MYO16: variants seen among roughly 807,000 people sequenced by gnomAD.
MYO16 encodes the protein myosin XVI.
A neutral mutation model predicts 205.3 loss-of-function variants in MYO16; 94 were observed. The ratio of observed to expected loss-of-function variants is 0.46; its 90% CI spans 0.39 to 0.54. The LOEUF (loss-of-function observed/expected upper bound fraction) is 0.54. Among genes scored for constraint, MYO16 ranks in the 20% least tolerant of loss-of-function variants. MYO16 has a pLI of 0.00. For synonymous variants in MYO16, 988 were observed against 954.0 expected (o/e 1.04, Z -0.66); for missense variants, 2,315 against 2,387.5 (o/e 0.97, Z 0.63).
intron 17 of MYO16, among the ~76,000 whole-genome samples, chr13:108,958,865 A>G (rs1440989172): frequency 6.6e-6 from 1 of 152,210 alleles, no homozygotes; most frequent in Non-Finnish European, 1.5e-5. Flanking sequence ...CAATTCCTCA[A>G]GAATATTTAA....
Position 109,060,462 on chromosome 13 carries a change from C to T in MYO16, c.3335+4867C>T, listed in dbSNP as rs564394225. On this transcript the variant is annotated intron_variant, in intron 27 of 34. Coordinates refer to ENST00000457511, the MANE Select transcript of MYO16 (RefSeq NM_001198950.3). ...AATCACATGGACACAGGGAGGGGAG[C>T]ATCACACACTGGGGCCTGTCGGGGG... 3.1e-3 allele frequency among the ~76,000 whole-genome samples: 457 copies of T among 149,756 alleles called. 3 individuals carry two copies. The highest frequency in any genetic ancestry group is 0.011 in the African/African-American group (445 of 40,676).
At chr13:108,964,508 C>T (rs924942266) in intron 19 of MYO16, among the ~76,000 whole-genome samples, 1 of 152,204 alleles carries the variant, frequency 6.6e-6, no homozygotes, top group Admixed American at 6.5e-5. Flanking sequence ...GGTGAAATTA[C>T]ACAACCTACA....
At chr13:108,774,135 G>A (rs1053200094) in intron 4 of MYO16, among the ~76,000 whole-genome samples, 1 of 152,024 alleles carries the variant, frequency 6.6e-6, no homozygotes, top group Admixed American at 6.6e-5. Context: ...AATAAAATGT[G>A]AGTATTAATG....
chr13:108,715,270 G>T (rs1015736066), intron 3 of MYO16, among the ~76,000 whole-genome samples: 1 of 152,154 alleles, frequency 6.6e-6, no homozygotes, highest in Non-Finnish European at 1.5e-5. Flanking sequence ...CGGCTCGCTT[G>T]CTGACTTGCT....
In MYO16 at chr13:108,697,906, A is replaced by G. The variant is rs369627993; in HGVS notation, c.293-14755A>G. On this transcript the variant is annotated intron_variant, in intron 2 of 34. Coordinates refer to ENST00000457511, the MANE Select transcript of MYO16 (RefSeq NM_001198950.3). The stretch of plus-strand genomic sequence containing the variant: ...CCTGGCTAATTTTTGTATTTTTAGT[A>G]CAAACAGGGTTTTGCTATGTTGCCA... Among the ~76,000 whole-genome samples the G allele has an allele frequency of 2.1e-3, 318 of 152,126 alleles. 9 individuals are homozygous for G. The South Asian group carries it at 0.063, about 30-fold the overall frequency.
chr13:109,086,203 G>A (rs1366264339), intron 27 of MYO16, among the ~76,000 whole-genome samples: 1 of 152,134 alleles, frequency 6.6e-6, no homozygotes, highest in Non-Finnish European at 1.5e-5. Context: ...GCAATCGAAG[G>A]TCACACTTCT....
At chr13:108,537,106 A>C in the MYO16 span, among the ~76,000 whole-genome samples, 4 of 152,074 alleles carry the variant, frequency 2.6e-5, no homozygotes, top group Non-Finnish European at 4.4e-5. Flanking sequence ...AATAATGAAC[A>C]ATGTACCTAA....
intron 27 of MYO16, among the ~76,000 whole-genome samples, chr13:109,098,607 C>T (rs577893838): frequency 4.6e-5 from 7 of 152,232 alleles, no homozygotes; most frequent in African/African-American, 1.4e-4. Context: ...TGTAGTTTTC[C>T]GTGCATCTCA....
At chr13:108,861,447 C>T (rs1878445473) in intron 11 of MYO16, among the ~76,000 whole-genome samples, 1 of 152,128 alleles carries the variant, frequency 6.6e-6, no homozygotes, top group African/African-American at 2.4e-5. Flanking sequence ...GTTGTTTCCA[C>T]TTTTTTAGTA....
chr13:108,866,272 T>A (rs773137861), intron 12 of MYO16, 30 bp downstream of exon 12: 1 of 1,388,788 alleles, frequency 7.2e-7, no homozygotes, highest in Non-Finnish European at 1.0e-6. Context: ...TATCATTGAA[T>A]AATGTAGAGT....
intron 9 of MYO16, among the ~76,000 whole-genome samples, chr13:108,830,202 C>T (rs1319379293): frequency 3.5e-5 from 4 of 114,204 alleles, no homozygotes; most frequent in East Asian, 4.2e-4. Context: ...GTCAGTGTGG[C>T]GATTCCTCAG....
intron 32 of MYO16, among the ~76,000 whole-genome samples, chr13:109,150,609 T>C (rs1269485958): frequency 6.6e-6 from 1 of 152,244 alleles, no homozygotes; most frequent in East Asian, 1.9e-4. Flanking sequence ...TTATCATTTT[T>C]TAGATTAACC....
chr13:108,959,451 G>A (rs2139361987), intron 17 of MYO16, among the ~76,000 whole-genome samples: 3 of 152,252 alleles, frequency 2.0e-5, no homozygotes, highest in Middle Eastern at 6.8e-3. Context: ...TCAAAGGCAG[G>A]GCAAGCAAAG....
intron 16 of MYO16, among the ~76,000 whole-genome samples, chr13:108,936,948 C>T (rs1367535371): frequency 6.6e-6 from 1 of 152,086 alleles, no homozygotes; most frequent in Admixed American, 6.5e-5. Flanking sequence ...TGTCTGTGTA[C>T]TATGTACTTA....
chr13:109,154,359 A>G (rs762275618), intron 32 of MYO16, among the ~76,000 whole-genome samples: 1 of 152,114 alleles, frequency 6.6e-6, no homozygotes, highest in Non-Finnish European at 1.5e-5. Flanking sequence ...CCTTGGTGAA[A>G]TGTTGACACA....
chr13:108,730,875 A>T (rs1316605925), intron 4 of MYO16, among the ~76,000 whole-genome samples: 1 of 152,168 alleles, frequency 6.6e-6, no homozygotes, highest in Non-Finnish European at 1.5e-5. Context: ...CTTTTATTTT[A>T]TCTTCCTATT....
intron 4 of MYO16, among the ~76,000 whole-genome samples, chr13:108,730,714 A>G (rs1884493482): frequency 6.6e-6 from 1 of 152,292 alleles, no homozygotes; most frequent in South Asian, 2.1e-4. Context: ...AATGGCACCA[A>G]TCCTGGTCTC....
intron 1 of MYO16, among the ~76,000 whole-genome samples, chr13:108,655,838 G>T (rs1486803952): frequency 6.6e-6 from 1 of 152,118 alleles, no homozygotes; most frequent in Non-Finnish European, 1.5e-5. Context: ...ACTTGCATGG[G>T]TTCTGTAACC....
At chr13:108,974,857 A>G (rs1430842870) in intron 20 of MYO16, among the ~76,000 whole-genome samples, 1 of 152,200 alleles carries the variant, frequency 6.6e-6, no homozygotes, top group Non-Finnish European at 1.5e-5. Context: ...TGTTTATAAA[A>G]TATTCTCTGA....
Sources: gnomAD v4.1 joint callset for allele counts (sites outside exome capture counted in the v4.1 genomes callset) on GRCh38, gnomAD v4.1.1 for gene constraint, MANE v1.5 for transcripts, NCBI Gene and HGNC (gene_info 2026-07-23, HGNC 2026-07-21) for gene names.